NECAB2: variants seen among roughly 807,000 people sequenced by gnomAD.
NECAB2 encodes N-terminal EF-hand calcium binding protein 2.
Under a neutral mutation model 51.9 loss-of-function variants are expected in NECAB2, and 68 were observed. The ratio of observed to expected loss-of-function variants is 1.31; its 90% CI spans 1.08 to 1.60. The LOEUF (loss-of-function observed/expected upper bound fraction) is 1.60. Ranked by LOEUF, NECAB2 falls within the 40% of genes most tolerant of loss-of-function variation. The pLI, the probability that NECAB2 is intolerant of heterozygous loss-of-function variation, is 0.00. For missense variants in NECAB2, 854 were observed against 490.3 expected, an observed-to-expected ratio of 1.74 and a Z score of -7.00; for synonymous variants, 329 against 203.5, an observed-to-expected ratio of 1.62 and a Z score of -5.25.
At position 83,968,389 on chromosome 16, in the gene NECAB2, G is replaced by A. The variant is rs1035624307; in HGVS notation, c.-260G>A. On this transcript the variant is annotated 5_prime_UTR_variant, in exon 1 of 13. Coordinates refer to ENST00000305202, the MANE Select transcript of NECAB2 (RefSeq NM_019065.3). The stretch of plus-strand genomic sequence containing the variant: ...GGTAGCCCCCTCTGTGGCTGCGCCC[G>A]CGCCCCTCGCCCCGGCGGGCAGTCC... 2.0e-5 allele frequency among the ~76,000 whole-genome samples: 3 copies of A among 149,214 alleles called. No individual in the cohort carries two copies. The highest frequency in any genetic ancestry group is 3.0e-5 in the Non-Finnish European group (2 of 67,132).
chr16:83,998,930 G>C lies in NECAB2; in HGVS notation c.962+613G>C, dbSNP rs141713090. On this transcript the variant is annotated intron_variant, in intron 10 of 12. Transcript: ENST00000305202. ...ATGTGGCCAGGGCCAGAGTGGAGGGGGTTGCAGAAGACAACAGCCCTTTGT... is the reference window on the plus strand; with the variant it reads ...ATGTGGCCAGGGCCAGAGTGGAGGGCGTTGCAGAAGACAACAGCCCTTTGT... 1.6e-3 allele frequency among the ~76,000 whole-genome samples: 241 copies of C among 152,304 alleles called. 1 individual carries two copies. Among genetic ancestry groups the C allele is most frequent in the Admixed American group, 3.0e-3 (46 of 15,300 alleles).
chr16:83,996,266 T>A (rs1310662397), intron 8 of NECAB2, among the ~76,000 whole-genome samples: 1 of 152,206 alleles, frequency 6.6e-6, no homozygotes, highest in Non-Finnish European at 1.5e-5. Flanking sequence ...ACAGACTTGT[T>A]CCTGCCAGGC....
At chr16:83,994,725 A>C in intron 8 of NECAB2, 37 bp downstream of exon 8, 1 of 1,604,314 alleles carries the variant, frequency 6.2e-7, no homozygotes, top group Non-Finnish European at 8.5e-7. Flanking sequence ...TACTCCTTCC[A>C]ACCCCTGAGG....
In NECAB2 at chr16:83,968,392, C is replaced by T. The variant is rs959912979; in HGVS notation, c.-257C>T. 6.7e-6 allele frequency among the ~76,000 whole-genome samples: 1 copy of T among 149,856 alleles called. No homozygotes were observed. Among genetic ancestry groups the T allele is most frequent in the African/African-American group, 2.4e-5 (1 of 41,060 alleles). ...AGCCCCCTCTGTGGCTGCGCCCGCGCCCCTCGCCCCGGCGGGCAGTCCTCA... is the reference window on the plus strand; with the variant it reads ...AGCCCCCTCTGTGGCTGCGCCCGCGTCCCTCGCCCCGGCGGGCAGTCCTCA... On this transcript the variant is annotated 5_prime_UTR_variant, in exon 1 of 13. Coordinates refer to ENST00000305202, the MANE Select transcript of NECAB2 (RefSeq NM_019065.3).
In NECAB2 at chr16:84,001,849, G is replaced by A. The variant is rs1597235181; in HGVS notation, c.1065G>A (p.Lys355=). The change falls in exon 12 of 13, where the codon AAG becomes AAA. Residue 355 remains lysine, a synonymous_variant. Transcript: ENST00000305202. ...WKRHLQSPLC[K]AFRHVKVDTL... ...GGCACCTGCAGAGCCCCCTGTGTAA[G>A]GCGTTCCGGCACGTCAAGGTGGACA... 6.2e-7 allele frequency: 1 copy of A among 1,614,138 alleles called. No individual in the cohort carries two copies.
rs577600955 is a variant in NECAB2 at position 83,989,693 on chromosome 16, G to C, written c.460-801G>C. Among the ~76,000 whole-genome samples the C allele has an allele frequency of 2.5e-4, 38 of 152,248 alleles. 1 individual carries two copies. The highest frequency in any genetic ancestry group is 9.1e-4 in the African/African-American group (38 of 41,552). ...GGGTAAGCAGAGCTTTCTCCCTTCT[G>C]CTGTAAAGTCTTTGCAGCCCAAAGC... On this transcript the variant is annotated intron_variant, in intron 5 of 12. Transcript: ENST00000305202.
In NECAB2 at chr16:83,971,700, G is replaced by A. The variant is rs113136962; in HGVS notation, c.202-451G>A. On this transcript the variant is annotated intron_variant, in intron 1 of 12. Transcript: ENST00000305202. ...ACCAGGCCTTGCAAACACCTCTGTC[G>A]GACTTTGCCCAACCTCCCTGGAAAC... The A allele has an allele frequency of 4.6e-4, 87 of 189,784 alleles. 1 individual carries two copies. The highest frequency in any genetic ancestry group is 1.9e-3 in the African/African-American group (83 of 42,604). 11.8% of individuals were successfully genotyped at this position (189,784 alleles called of 1,614,324 possible).
rs1465007894 is a variant in NECAB2, at chr16:83,968,787, C to G, written c.139C>G (p.Pro47Ala). ...RMGEPRESLA[P>A]AAPADPGPAS... ...GGGCGAGCCCCGGGAGTCGCTGGCCCCCGCCGCCCCCGCGGACCCCGGCCC... is the reference window on the plus strand; with the variant it reads ...GGGCGAGCCCCGGGAGTCGCTGGCCGCCGCCGCCCCCGCGGACCCCGGCCC... The change falls in exon 1 of 13, where the codon CCC becomes GCC. Residue 47 changes from proline (P) to alanine (A), a missense_variant. Pro to Ala is a conservative substitution (Grantham distance 27). Transcript: ENST00000305202. 5.4e-6 allele frequency: 6 copies of G among 1,114,952 alleles called. No individual in the cohort carries two copies. Among genetic ancestry groups the G allele is most frequent in the Admixed American group, 5.0e-5 (1 of 19,816 alleles). The allele number at this position is 1,114,952 out of a possible 1,614,324, so 69.1% of individuals were successfully genotyped here.
chr16:83,992,205 G>GGTTT (rs59421355), intron 6 of NECAB2, among the ~76,000 whole-genome samples: 149 of 151,846 alleles, frequency 9.8e-4, no homozygotes, highest in African/African-American at 3.5e-3. Flanking sequence ...AAAGAGGAGT[G>GGTTT]TTTCTTTCTG....
chr16:83,998,213 G>A lies in NECAB2; in HGVS notation c.858G>A (p.Gln286=), dbSNP rs1485529443. 3.7e-6 allele frequency: 6 copies of A among 1,609,700 alleles called. No homozygotes were observed. The Admixed American group carries it at 1.0e-4, about 27-fold the overall frequency. The change falls in exon 10 of 13, where the codon CAG becomes CAA. Residue 286 remains glutamine (Q), a synonymous_variant. Coordinates refer to ENST00000305202, the MANE Select transcript of NECAB2 (RefSeq NM_019065.3). The stretch of plus-strand genomic sequence containing the variant: ...CCTGCTGTGCCCGGCAGCACCTGCA[G>A]CTGGTCCGGCAGGAGATGGCCGTGT... ...SDEDGTNMHL[Q]LVRQEMAVCP...
rs542520789 is a variant in NECAB2 at position 83,979,448 on chromosome 16, G to C, written c.335+896G>C. ...GCTGCGGCTGAGAGAGTCCTGGGGGGCACTGGCTGGGGACCGGGATATGGT... is the reference window on the plus strand; with the variant it reads ...GCTGCGGCTGAGAGAGTCCTGGGGGCCACTGGCTGGGGACCGGGATATGGT... On this transcript the variant is annotated intron_variant, in intron 3 of 12. Coordinates refer to ENST00000305202, the MANE Select transcript of NECAB2 (RefSeq NM_019065.3). Among the ~76,000 whole-genome samples, 5 of 152,290 alleles carry C rather than the reference G, an allele frequency of 3.3e-5. No homozygotes were observed. The South Asian group carries it at 8.3e-4, about 25-fold the overall frequency.
At chr16:83,985,076 G>T (rs2084535527) in intron 5 of NECAB2, among the ~76,000 whole-genome samples, 1 of 152,102 alleles carries the variant, frequency 6.6e-6, no homozygotes, top group Non-Finnish European at 1.5e-5. Flanking sequence ...ACTTTGGGAG[G>T]CCGGGGCGGG....
chr16:83,966,468 G>A (rs1162343545), upstream of NECAB2: 1 of 171,360 alleles, frequency 5.8e-6, no homozygotes, highest in Non-Finnish European at 1.2e-5. Flanking sequence ...CCATGGCTGG[G>A]GCCTTGGGGT....
intron 9 of NECAB2, 67 bp downstream of exon 9, chr16:83,997,336 A>C: frequency 1.2e-6 from 2 of 1,603,128 alleles, no homozygotes; most frequent in Non-Finnish European, 1.7e-6. Flanking sequence ...CCAAGATCCA[A>C]GTGGCTCAAT....
rs764983976 is a variant in NECAB2 at position 84,002,333 on chromosome 16, T to C, written c.1148T>C (p.Val383Ala). The C allele has an allele frequency of 5.6e-6, 9 of 1,613,984 alleles. No homozygotes were observed. In the Middle Eastern group the frequency reaches 5.0e-4, roughly 89 times the overall value. Residue 383 changes from valine (V) to alanine (A), a missense_variant, in exon 13 of 13, where the codon GTG becomes GCG. Transcript: ENST00000305202. ...CTCCTTTTAGCTGCTTGGTGCACGGTGGGACGGGACTGACAGCCTCCCAGA... is the reference window on the plus strand; with the variant it reads ...CTCCTTTTAGCTGCTTGGTGCACGGCGGGACGGGACTGACAGCCTCCCAGA... ...RILVPAAWCT[V>A]GRD
intron 1 of NECAB2, among the ~76,000 whole-genome samples, chr16:83,970,966 C>T (rs1416647594): frequency 3.3e-5 from 5 of 152,084 alleles, no homozygotes; most frequent in Admixed American, 1.3e-4. Context: ...TGATGGCGGG[C>T]GTCTGTAGTC....
intron 6 of NECAB2, chr16:83,993,521 C>G (rs901071941): frequency 7.8e-5 from 12 of 154,272 alleles, no homozygotes; most frequent in Admixed American, 4.6e-4. Flanking sequence ...TTCTGTATGT[C>G]TGCCAGGAGC....
intron 6 of NECAB2, 97 bp downstream of exon 6, chr16:83,990,727 C>T (rs1355396092): frequency 1.3e-6 from 2 of 1,504,260 alleles, no homozygotes; most frequent in African/African-American, 2.8e-5. Context: ...TACCTAAGAG[C>T]TGGGTGACCT....
At chr16:83,985,446 A>T (rs1479281173) in intron 5 of NECAB2, among the ~76,000 whole-genome samples, 1 of 151,518 alleles carries the variant, frequency 6.6e-6, no homozygotes, top group Non-Finnish European at 1.5e-5. Flanking sequence ...AAGCCTGGCC[A>T]ACATGGTGAA....
Sources: allele counts gnomAD v4.1 joint callset (sites outside exome capture counted in the v4.1 genomes callset), GRCh38; gene constraint gnomAD v4.1.1; transcripts MANE v1.5; gene names NCBI Gene and HGNC (gene_info 2026-07-23, HGNC 2026-07-21).